The following TRDN variants were observed in gnomAD, a reference collection of about 807,000 sequenced individuals.
The protein encoded by TRDN is triadin in skeletal muscle.
TRDN carries 161 observed loss-of-function variants against 149.7 expected under a neutral mutation model. That is an observed-to-expected ratio of 1.08 (90% CI 0.95 to 1.23). The LOEUF (loss-of-function observed/expected upper bound fraction) is 1.23, where lower values mean the gene tolerates loss of function less well. Among genes scored for constraint, TRDN ranks in the 50% most tolerant of loss-of-function variants. The pLI is 0.00. For missense variants in TRDN, 896 were observed against 823.5 expected, an observed-to-expected ratio of 1.09 and a Z score of -1.08; for synonymous variants, 294 against 250.5, an observed-to-expected ratio of 1.17 and a Z score of -1.64.
intron 9 of TRDN, among the ~76,000 whole-genome samples, chr6:123,487,244 G>T (rs1036019157): frequency 1.3e-5 from 2 of 151,964 alleles, no homozygotes; most frequent in African/African-American, 4.8e-5. Context: ...CTTCCTTACT[G>T]CATTATATTT....
intron 12 of TRDN, among the ~76,000 whole-genome samples, chr6:123,399,260 G>A (rs79277937): frequency 0.018 from 2,768 of 152,076 alleles, 69 homozygotes; most frequent in East Asian, 0.077. Context: ...AAAATGATTG[G>A]GAAACATCAA....
intron 1 of TRDN, among the ~76,000 whole-genome samples, chr6:123,608,016 A>G (rs1409784517): frequency 2.6e-5 from 4 of 152,088 alleles, no homozygotes. Flanking sequence ...AATAGCTTTT[A>G]CTATGAAGAA....
At chr6:123,349,910 A>C in intron 21 of TRDN, 2 of 984,964 alleles carry the variant, frequency 2.0e-6, no homozygotes, top group Non-Finnish European at 2.4e-6. Flanking sequence ...GTGACAACGT[A>C]AAACACTATT....
intron 19 of TRDN, among the ~76,000 whole-genome samples, chr6:123,369,657 T>C (rs954661754): frequency 6.6e-5 from 10 of 152,214 alleles, no homozygotes; most frequent in African/African-American, 1.9e-4. Context: ...TGTTGAGAAA[T>C]TCATAGAGAA....
chr6:123,562,988 C>T (rs1332711997), intron 2 of TRDN, among the ~76,000 whole-genome samples: 1 of 152,156 alleles, frequency 6.6e-6, no homozygotes, highest in African/African-American at 2.4e-5. Context: ...ACTTTCTCAA[C>T]TGAAATTTTT....
intron 5 of TRDN, chr6:123,529,255 T>G (rs777890691): frequency 6.5e-7 from 1 of 1,548,922 alleles, no homozygotes; most frequent in South Asian, 1.2e-5. Flanking sequence ...CAGTCATGGT[T>G]CGCTTAGTCA....
rs1460141992 is a variant in TRDN, at chr6:123,399,345, T to C, written c.1052-5668A>G. 2.0e-5 allele frequency among the ~76,000 whole-genome samples: 3 copies of C among 152,236 alleles called. No individual in the cohort carries two copies. In the East Asian group the frequency reaches 5.8e-4, roughly 29 times the overall value. On this transcript the variant is annotated intron_variant, in intron 12 of 40. Coordinates refer to ENST00000334268, the MANE Select transcript of TRDN (RefSeq NM_006073.4). ...AGAATGTGTGAGAATGACAAGTTTCTTAAGTAATCAACAATTTAGGGTTGA... is the reference window on the plus strand; with the variant it reads ...AGAATGTGTGAGAATGACAAGTTTCCTAAGTAATCAACAATTTAGGGTTGA...
At chr6:123,381,296 G>T in intron 16 of TRDN, 74 bp downstream of exon 16, 1 of 1,390,306 alleles carries the variant, frequency 7.2e-7, no homozygotes. Context: ...AAAATTGCAG[G>T]TCTAAATACA....
Position 123,588,763 on chromosome 6 carries a change from G to T in TRDN, c.23-17631C>A, listed in dbSNP as rs183342298. ...AGGATTTCAACATGAAAGTTTTATCGGGCAGGGCTGAATGCAAACCAGTCC... is the reference window on the plus strand; with the variant it reads ...AGGATTTCAACATGAAAGTTTTATCTGGCAGGGCTGAATGCAAACCAGTCC... On this transcript the variant is annotated intron_variant, in intron 1 of 40. Transcript: ENST00000334268. Among the ~76,000 whole-genome samples, 9 of 152,182 alleles carry T rather than the reference G, an allele frequency of 5.9e-5. No homozygotes were observed. In the South Asian group the frequency reaches 1.0e-3, roughly 18 times the overall value.
At chr6:123,403,073 C>T (rs948891541) in intron 12 of TRDN, among the ~76,000 whole-genome samples, 2 of 152,076 alleles carry the variant, frequency 1.3e-5, no homozygotes, top group East Asian at 1.9e-4. Flanking sequence ...AAATTAAGAG[C>T]GTGAACAATT....
chr6:123,630,656 GCT>G (rs1785941910), intron 1 of TRDN, among the ~76,000 whole-genome samples: 1 of 151,962 alleles, frequency 6.6e-6, no homozygotes, highest in African/African-American at 2.4e-5. Context: ...GATACTATGT[GCT>G]TATGGGGTGG....
intron 4 of TRDN, among the ~76,000 whole-genome samples, chr6:123,538,840 A>AT (rs1367098422): frequency 1.3e-5 from 2 of 152,080 alleles, no homozygotes; most frequent in Non-Finnish European, 2.9e-5. Context: ...AGGTTAATTC[A>AT]TTTTTTCTCT....
At chr6:123,625,185 AAT>A (rs1785591736) in intron 1 of TRDN, among the ~76,000 whole-genome samples, 1 of 152,132 alleles carries the variant, frequency 6.6e-6, no homozygotes, top group Non-Finnish European at 1.5e-5. Context: ...CAGTGTTAAG[AAT>A]AGGACATTCT....
chr6:123,253,671 C>T (rs557991558), intron 37 of TRDN, among the ~76,000 whole-genome samples: 30 of 152,194 alleles, frequency 2.0e-4, no homozygotes, highest in African/African-American at 6.5e-4. Context: ...CTGAGTTGGA[C>T]TTGTGCTTTC....
At chr6:123,262,535 A>G (rs1411447567) in intron 33 of TRDN, among the ~76,000 whole-genome samples, 2 of 152,074 alleles carry the variant, frequency 1.3e-5, no homozygotes, top group Non-Finnish European at 2.9e-5. Flanking sequence ...GGTGCTCAAT[A>G]AATACATGTT....
chr6:123,359,549 G>A (rs961808816), intron 20 of TRDN, among the ~76,000 whole-genome samples: 2 of 152,116 alleles, frequency 1.3e-5, no homozygotes, highest in Non-Finnish European at 2.9e-5. Flanking sequence ...CAGTGGTTCT[G>A]GTAGAAGACA....
chr6:123,344,444 C>T (rs1289658573), intron 21 of TRDN, among the ~76,000 whole-genome samples: 1 of 152,012 alleles, frequency 6.6e-6, no homozygotes, highest in Non-Finnish European at 1.5e-5. Flanking sequence ...CTTCTCTCCT[C>T]CCCAAACCCT....
chr6:123,481,853 C>T (rs1777764180), intron 9 of TRDN, among the ~76,000 whole-genome samples: 2 of 152,082 alleles, frequency 1.3e-5, no homozygotes, highest in Non-Finnish European at 1.5e-5. Context: ...TCTCATTATC[C>T]TTAAATGCAA....
chr6:123,379,763 C>A (rs1781644232), intron 16 of TRDN, among the ~76,000 whole-genome samples: 1 of 152,100 alleles, frequency 6.6e-6, no homozygotes, highest in South Asian at 2.1e-4. Flanking sequence ...GGACTGCAAA[C>A]TCATGTTTAT....
Sources: allele counts gnomAD v4.1 joint callset (sites outside exome capture counted in the v4.1 genomes callset), GRCh38; gene constraint gnomAD v4.1.1; transcripts MANE v1.5; gene names NCBI Gene and HGNC (gene_info 2026-07-23, HGNC 2026-07-21).